The following MGAT4C variants were observed in gnomAD, a reference collection of about 807,000 sequenced individuals.
MGAT4C encodes MGAT4 family member C.
A neutral mutation model predicts 40.1 loss-of-function variants in MGAT4C; 19 were observed. The ratio of observed to expected loss-of-function variants is 0.47; its 90% CI spans 0.33 to 0.70. The LOEUF (loss-of-function observed/expected upper bound fraction) is 0.70, where lower values mean the gene tolerates loss of function less well. Among genes scored for constraint, MGAT4C ranks in the 30% least tolerant of loss-of-function variants. The pLI is 0.02. For missense variants in MGAT4C, 491 were observed against 563.2 expected, an observed-to-expected ratio of 0.87 and a Z score of 1.30; for synonymous variants, 181 against 187.1, an observed-to-expected ratio of 0.97 and a Z score of 0.27.
At chr12:85,991,349 T>C (rs1885914006) in intron 2 of MGAT4C, among the ~76,000 whole-genome samples, 1 of 152,086 alleles carries the variant, frequency 6.6e-6, no homozygotes, top group Non-Finnish European at 1.5e-5. Context: ...TGGACAGCCA[T>C]GGGCGGGCCC....
chr12:86,504,725 C>T (rs966049194), intron 2 of MGAT4C, among the ~76,000 whole-genome samples: 3 of 152,020 alleles, frequency 2.0e-5, no homozygotes, highest in Non-Finnish European at 2.9e-5. Context: ...CTCACACTGT[C>T]GCCTAGGCTA....
chr12:86,448,378 T>C (rs1019732792), intron 2 of MGAT4C, among the ~76,000 whole-genome samples: 1 of 152,214 alleles, frequency 6.6e-6, no homozygotes, highest in African/African-American at 2.4e-5. Flanking sequence ...AGTCACATTC[T>C]TAAATGCAAA....
At chr12:86,212,684 C>T (rs372165664) in intron 1 of MGAT4C, among the ~76,000 whole-genome samples, 2 of 144,474 alleles carry the variant, frequency 1.4e-5, no homozygotes, top group Non-Finnish European at 3.0e-5. Context: ...GTCAGGAGAT[C>T]GAGACCATCC....
At chr12:86,629,450 A>G (rs1006887219) in intron 2 of MGAT4C, among the ~76,000 whole-genome samples, 10 of 152,182 alleles carry the variant, frequency 6.6e-5, no homozygotes, top group African/African-American at 2.2e-4. Context: ...GAGAGTATAC[A>G]TTCTTCTCAG....
chr12:85,956,233 A>G lies in MGAT4C; in HGVS notation c.*23056T>C, dbSNP rs1205743974. 6.6e-6 allele frequency: 1 copy of G among 152,238 alleles called. No homozygotes were observed. Among genetic ancestry groups the G allele is most frequent in the Admixed American group, 6.5e-5 (1 of 15,286 alleles). 9.4% of individuals were successfully genotyped at this position (152,238 alleles called of 1,614,324 possible). On this transcript the variant is annotated 3_prime_UTR_variant, in exon 5 of 5. Transcript: ENST00000611864. ...TTTCCTGAAAACCCTGTCTTTTACT[A>G]TGCAAACATGCAAGCATCAGATTTT...
chr12:86,022,391 A>G (rs1889823886), intron 2 of MGAT4C: 2 of 152,218 alleles, frequency 1.3e-5, no homozygotes, highest in Non-Finnish European at 2.9e-5. Flanking sequence ...GCATTGTGCT[A>G]GAAAGAAAAG....
At chr12:86,725,099 G>T (rs1423529206) in intron 2 of MGAT4C, among the ~76,000 whole-genome samples, 1 of 152,124 alleles carries the variant, frequency 6.6e-6, no homozygotes, top group Non-Finnish European at 1.5e-5. Flanking sequence ...CTAGTGTTTT[G>T]AAAGTCAAAA....
chr12:86,324,671 AC>A (rs1954481358), intron 4 of MGAT4C, among the ~76,000 whole-genome samples: 1 of 152,034 alleles, frequency 6.6e-6, no homozygotes. Flanking sequence ...ATACGCTTTG[AC>A]AACTAATCCA....
rs374861164 is a variant in MGAT4C at position 86,609,698 on chromosome 12, C to T, written c.-229+117511G>A. Among the ~76,000 whole-genome samples, 8 of 151,272 alleles carry T rather than the reference C, an allele frequency of 5.3e-5. No homozygotes were observed. In the East Asian group the frequency reaches 1.2e-3, roughly 22 times the overall value. On this transcript the variant is annotated intron_variant, in intron 2 of 7. Transcript: ENST00000548651. ...AATGTCCAAAGGAAATTACGAGTTG[C>T]GTGGAGGCCCTCAAACCCTACTTAA...
chr12:86,405,930 ACATACAT>A (rs1565737911), intron 3 of MGAT4C, among the ~76,000 whole-genome samples: 2 of 127,026 alleles, frequency 1.6e-5, no homozygotes, highest in African/African-American at 5.9e-5. Flanking sequence ...TTTATATTAT[ACATACAT>A]TTATAAATAC....
chr12:86,201,275 CA>C (rs1950039349), intron 1 of MGAT4C, among the ~76,000 whole-genome samples: 1 of 151,946 alleles, frequency 6.6e-6, no homozygotes, highest in Non-Finnish European at 1.5e-5. Context: ...ATTAAACGAT[CA>C]CAGCAACTTT....
intron 1 of MGAT4C, among the ~76,000 whole-genome samples, chr12:86,089,761 T>C (rs760033688): frequency 8.4e-4 from 128 of 151,840 alleles, no homozygotes; most frequent in Non-Finnish European, 1.4e-3. Flanking sequence ...CATTTTGCTT[T>C]AGGTGTGTTT....
intron 1 of MGAT4C, among the ~76,000 whole-genome samples, chr12:86,796,606 G>A (rs949876962): frequency 7.9e-5 from 12 of 151,930 alleles, no homozygotes; most frequent in Non-Finnish European, 1.8e-4. Flanking sequence ...ATTCAAGAGA[G>A]CTATTGTATA....
At chr12:86,603,334 G>A (rs57146176) in intron 2 of MGAT4C, among the ~76,000 whole-genome samples, 118,407 of 134,186 alleles carry the variant, frequency 0.88, 52,831 homozygotes, top group South Asian at 0.97. Flanking sequence ...AAATTATATA[G>A]TATAGTATAT....
chr12:86,440,825 C>G (rs1957214471), intron 2 of MGAT4C, among the ~76,000 whole-genome samples: 1 of 151,894 alleles, frequency 6.6e-6, no homozygotes, highest in Admixed American at 6.6e-5. Flanking sequence ...CTTCTATATG[C>G]CAATAACAAC....
At chr12:86,723,816 T>C (rs1950776721) in intron 2 of MGAT4C, among the ~76,000 whole-genome samples, 1 of 152,048 alleles carries the variant, frequency 6.6e-6, no homozygotes, top group South Asian at 2.1e-4. Context: ...TATTGTAACA[T>C]TTTTCAGTTC....
At chr12:86,488,437 A>AC (rs1958067818) in intron 2 of MGAT4C, among the ~76,000 whole-genome samples, 1 of 151,000 alleles carries the variant, frequency 6.6e-6, no homozygotes, top group South Asian at 2.1e-4. Context: ...AAAAAAAAAA[A>AC]ACAAAAAACC....
intron 3 of MGAT4C, among the ~76,000 whole-genome samples, chr12:86,406,315 C>T (rs1956472767): frequency 6.6e-6 from 1 of 151,430 alleles, no homozygotes. Flanking sequence ...AGACAACTTT[C>T]AAAGTGGAGA....
intron 2 of MGAT4C, among the ~76,000 whole-genome samples, chr12:86,012,436 T>C (rs551925529): frequency 3.8e-4 from 58 of 152,234 alleles, no homozygotes; most frequent in Non-Finnish European, 6.5e-4. Flanking sequence ...CAGAATCATA[T>C]GCTTTTTTAA....
Sources: gnomAD v4.1 joint callset for allele counts (sites outside exome capture counted in the v4.1 genomes callset) on GRCh38, gnomAD v4.1.1 for gene constraint, MANE v1.5 for transcripts, NCBI Gene and HGNC (gene_info 2026-07-23, HGNC 2026-07-21) for gene names.